The following OR6N1 variants were observed in gnomAD, a reference collection of about 807,000 sequenced individuals.
The protein encoded by OR6N1 is olfactory receptor 6N1.
For synonymous variants in OR6N1, 170 were observed against 150.7 expected, an observed-to-expected ratio of 1.13 and a Z score of -0.94; for missense variants, 394 against 371.7, an observed-to-expected ratio of 1.06 and a Z score of -0.49.
chr1:158,815,310 T>C, the OR6N1 span, among the ~76,000 whole-genome samples: 18 of 152,268 alleles, frequency 1.2e-4, no homozygotes, highest in African/African-American at 4.1e-4. Flanking sequence ...TCCACGTATA[T>C]TGTAAGCTTC....
At chr1:158,816,880 ATGTAAGCAG>A in the OR6N1 span, among the ~76,000 whole-genome samples, 5 of 152,242 alleles carry the variant, frequency 3.3e-5, no homozygotes, top group Admixed American at 3.3e-4. Context: ...GATGGAAGGG[ATGTAAGCAG>A]TCATCCACTG....
chr1:158,793,538 ACT>A, the OR6N1 span, among the ~76,000 whole-genome samples: 5 of 152,136 alleles, frequency 3.3e-5, no homozygotes, highest in South Asian at 1.0e-3. Flanking sequence ...AATGGCAAAG[ACT>A]CTATGAATTT....
the OR6N1 span, among the ~76,000 whole-genome samples, chr1:158,783,986 G>A: frequency 1.3e-5 from 2 of 152,072 alleles, no homozygotes; most frequent in Non-Finnish European, 2.9e-5. Flanking sequence ...GGCACCTGTA[G>A]TCCCACCTAC....
the OR6N1 span, among the ~76,000 whole-genome samples, chr1:158,812,911 G>A: frequency 2.0e-5 from 3 of 152,122 alleles, no homozygotes; most frequent in Admixed American, 1.3e-4. Context: ...GAAAATATGA[G>A]ATGTCTAACA....
chr1:158,832,453 T>C, the OR6N1 span, among the ~76,000 whole-genome samples: 3 of 151,856 alleles, frequency 2.0e-5, no homozygotes, highest in Non-Finnish European at 4.4e-5. Flanking sequence ...CTAATAGTGA[T>C]TTTGTTAATT....
chr1:158,791,703 C>A, the OR6N1 span, among the ~76,000 whole-genome samples: 3 of 152,006 alleles, frequency 2.0e-5, no homozygotes, highest in Non-Finnish European at 4.4e-5. Context: ...CTCCTGACCT[C>A]GTGATTTGCC....
At chr1:158,788,341 C>T in the OR6N1 span, among the ~76,000 whole-genome samples, 1 of 152,084 alleles carries the variant, frequency 6.6e-6, no homozygotes, top group Non-Finnish European at 1.5e-5. Context: ...GAAGTCAGGG[C>T]AGTATTGCTG....
chr1:158,776,515 G>A (rs533527131), upstream of OR6N1: 10 of 483,296 alleles, frequency 2.1e-5, no homozygotes, highest in Admixed American at 7.5e-5. Flanking sequence ...ATAAGTGATC[G>A]AGTAAAAAAT....
At position 158,765,828 on chromosome 1, in the gene OR6N1, G is replaced by A. The variant is rs370643310; in HGVS notation, c.855C>T (p.Leu285=). The A allele has an allele frequency of 5.6e-6, 9 of 1,614,112 alleles. No individual in the cohort carries two copies. The Admixed American group carries it at 1.5e-4, about 27-fold the overall frequency. ...AVVYSVLTPF[L]NPFIYSLRNK... Reference sequence around the variant, plus strand: ...TGCGCAAGCTGTAGATGAAGGGGTTGAGGAAGGGTGTGAGCACTGAGTAGA... The same window carrying A: ...TGCGCAAGCTGTAGATGAAGGGGTTAAGGAAGGGTGTGAGCACTGAGTAGA... The change falls in exon 2 of 2, where the codon CTC becomes CTT. Residue 285 remains leucine, a synonymous_variant. Coordinates refer to ENST00000641846, the MANE Select transcript of OR6N1 (RefSeq NM_001005185.2).
chr1:158,819,734 C>A, the OR6N1 span, among the ~76,000 whole-genome samples: 1 of 152,180 alleles, frequency 6.6e-6, no homozygotes, highest in Non-Finnish European at 1.5e-5. Flanking sequence ...CACATCTCAG[C>A]TTATCTGCAC....
At chr1:158,812,373 G>A in the OR6N1 span, among the ~76,000 whole-genome samples, 1 of 152,238 alleles carries the variant, frequency 6.6e-6, no homozygotes, top group Non-Finnish European at 1.5e-5. Context: ...AAAAGTGGAA[G>A]TGTTCCAAAT....
At chr1:158,782,328 A>G in the OR6N1 span, among the ~76,000 whole-genome samples, 15 of 152,344 alleles carry the variant, frequency 9.8e-5, no homozygotes, top group South Asian at 2.9e-3. Flanking sequence ...TCTCCAAATA[A>G]TTAACTTTGC....
chr1:158,804,082 G>A, the OR6N1 span, among the ~76,000 whole-genome samples: 1 of 152,184 alleles, frequency 6.6e-6, no homozygotes, highest in Admixed American at 6.5e-5. Context: ...GAGGTCTGGG[G>A]ACAGGTTTTA....
chr1:158,810,795 C>A, the OR6N1 span, among the ~76,000 whole-genome samples: 3 of 152,184 alleles, frequency 2.0e-5, no homozygotes, highest in East Asian at 5.8e-4. Flanking sequence ...CTGGTAAGAA[C>A]AGCCAAATGA....
At chr1:158,767,048 T>C (rs1218870563) in intron 1 of OR6N1, among the ~76,000 whole-genome samples, 2 of 152,200 alleles carry the variant, frequency 1.3e-5, no homozygotes, top group Non-Finnish European at 2.9e-5. Flanking sequence ...TTATACATAT[T>C]GTTCATCTAA....
the OR6N1 span, among the ~76,000 whole-genome samples, chr1:158,815,448 G>T: frequency 6.6e-6 from 1 of 152,150 alleles, no homozygotes; most frequent in East Asian, 1.9e-4. Context: ...TAGGAAGACA[G>T]AAAGGGTAAG....
rs147418101 is a variant in OR6N1, at chr1:158,766,529, C to A, written c.154G>T (p.Asp52Tyr). 1.9e-6 allele frequency: 3 copies of A among 1,613,816 alleles called. No individual in the cohort carries two copies. The highest frequency in any genetic ancestry group is 2.7e-5 in the African/African-American group (2 of 74,852). ...NLLIFLVVCL[D>Y]SRLHTPMYHF... is the part of the protein sequence containing the mutation. Reference sequence around the variant, plus strand: ...TACATGGGTGTGTGAAGCCGGGAGTCCAGGCAGACCACCAGGAATATCAGC... The same window carrying A: ...TACATGGGTGTGTGAAGCCGGGAGTACAGGCAGACCACCAGGAATATCAGC... Residue 52 changes from aspartate to tyrosine, a missense_variant, in exon 2 of 2, where the codon GAC becomes TAC. Physicochemically the swap from Asp to Tyr is radical, Grantham distance 160 (BLOSUM62 -3). Transcript: ENST00000641846.
At chr1:158,780,965 A>G in the OR6N1 span, among the ~76,000 whole-genome samples, 1 of 152,228 alleles carries the variant, frequency 6.6e-6, no homozygotes. Context: ...GGAATGGTGG[A>G]CAAGATGACC....
At position 158,766,336 on chromosome 1, in the gene OR6N1, G is replaced by A. The variant is rs1657264462; in HGVS notation, c.347C>T (p.Thr116Ile). The A allele has an allele frequency of 6.2e-7, 1 of 1,614,098 alleles. No homozygotes were observed. The highest frequency in any genetic ancestry group is 8.5e-7 in the Non-Finnish European group (1 of 1,179,974). ...SLGATECYLL[T>I]AMAYDRYLAI... ...TAAATACCTATCGTAGGCCATAGCT[G>A]TCAGGAGATAGCACTCAGTCGCTCC... is the stretch of plus-strand genomic sequence containing the variant. The change falls in exon 2 of 2, where the codon ACA becomes ATA. Residue 116 changes from threonine to isoleucine, a missense_variant. By Grantham distance (89) the Thr-to-Ile change is moderately conservative (BLOSUM62 -1). Coordinates refer to ENST00000641846, the MANE Select transcript of OR6N1 (RefSeq NM_001005185.2).
Sources: allele counts gnomAD v4.1 joint callset (sites outside exome capture counted in the v4.1 genomes callset), GRCh38; gene constraint gnomAD v4.1.1; transcripts MANE v1.5; gene names NCBI Gene and HGNC (gene_info 2026-07-23, HGNC 2026-07-21).